The following STAU2 variants were observed in gnomAD, a reference collection of about 807,000 sequenced individuals.
The protein encoded by STAU2 is double-stranded RNA-binding protein Staufen homolog 2.
A neutral mutation model predicts 65.9 loss-of-function variants in STAU2; 20 were observed. The ratio of observed to expected loss-of-function variants is 0.30; its 90% CI spans 0.21 to 0.44. The LOEUF is 0.44. Among genes scored for constraint, STAU2 ranks in the 20% least tolerant of loss-of-function variants. STAU2 has a pLI of 1.00. For synonymous variants in STAU2, 232 were observed against 233.9 expected, an observed-to-expected ratio of 0.99 and a Z score of 0.07; for missense variants, 558 against 683.9, an observed-to-expected ratio of 0.82 and a Z score of 2.05.
At chr8:73,564,619 C>G (rs1382907567) in intron 12 of STAU2, among the ~76,000 whole-genome samples, 1 of 152,010 alleles carries the variant, frequency 6.6e-6, no homozygotes, top group Non-Finnish European at 1.5e-5. Flanking sequence ...ACACAGTTTA[C>G]CTACATAACA....
At chr8:73,578,911 A>G (rs2128960716) in intron 12 of STAU2, among the ~76,000 whole-genome samples, 1 of 152,288 alleles carries the variant, frequency 6.6e-6, no homozygotes, top group East Asian at 1.9e-4. Flanking sequence ...AAACACTATT[A>G]AAGAAAGTAT....
intron 13 of STAU2, chr8:73,549,693 G>A (rs528188197): frequency 1.9e-5 from 19 of 985,370 alleles, no homozygotes; most frequent in Middle Eastern, 1.0e-3. Flanking sequence ...AATTGCAATG[G>A]GCAAGGAAAG....
At chr8:73,683,530 T>C (rs1818578384) in intron 5 of STAU2, among the ~76,000 whole-genome samples, 1 of 152,112 alleles carries the variant, frequency 6.6e-6, no homozygotes. Flanking sequence ...GTTGAAAGCA[T>C]TCCCCCTGAG....
At chr8:73,468,258 G>C (rs1382110355) in intron 13 of STAU2, among the ~76,000 whole-genome samples, 1 of 152,162 alleles carries the variant, frequency 6.6e-6, no homozygotes, top group African/African-American at 2.4e-5. Context: ...GCCTTATGTA[G>C]AAAGCTGAAA....
chr8:73,603,975 G>GA lies in STAU2; in HGVS notation c.892-113dup, dbSNP rs528148131. 14 of 1,162,218 alleles carry GA rather than the reference G, an allele frequency of 1.2e-5. No individual in the cohort carries two copies. The South Asian group carries it at 2.5e-4, about 21-fold the overall frequency. The allele number at this position is 1,162,218 out of a possible 1,614,324, so 72.0% of individuals were successfully genotyped here. A position where few individuals can be genotyped will look rare whatever the true frequency, so the allele number is the denominator to read the frequency against. ...CCCCCACACCCCAAAACTGTGACTAGAAAAGATAAATGAGTCATTTATGAA... is the reference window on the plus strand; with the variant it reads ...CCCCCACACCCCAAAACTGTGACTAGAAAAAGATAAATGAGTCATTTATGAA... On this transcript the variant is annotated intron_variant, in intron 9 of 14. Transcript: ENST00000524300.
intron 13 of STAU2, among the ~76,000 whole-genome samples, chr8:73,476,194 G>A (rs1016803744): frequency 2.0e-5 from 3 of 152,134 alleles, no homozygotes; most frequent in Non-Finnish European, 2.9e-5. Flanking sequence ...TGACCTCAGA[G>A]CACCCAGAAC....
At chr8:73,584,630 T>C (rs893330313) in intron 11 of STAU2, among the ~76,000 whole-genome samples, 1 of 152,034 alleles carries the variant, frequency 6.6e-6, no homozygotes, top group South Asian at 2.1e-4. Flanking sequence ...TGTACTGCCA[T>C]TATCAGGAGA....
At chr8:73,645,737 C>G (rs1815321865) in intron 6 of STAU2, among the ~76,000 whole-genome samples, 1 of 152,114 alleles carries the variant, frequency 6.6e-6, no homozygotes, top group African/African-American at 2.4e-5. Flanking sequence ...TCTGGGAGGC[C>G]TCAGGAAATG....
At chr8:73,561,926 T>C (rs567673384) in intron 12 of STAU2, among the ~76,000 whole-genome samples, 1 of 152,308 alleles carries the variant, frequency 6.6e-6, no homozygotes, top group South Asian at 2.1e-4. Context: ...TGGCTTAAAG[T>C]CACAGCCAGT....
At chr8:73,653,814 C>A in intron 6 of STAU2, 1 of 397,782 alleles carries the variant, frequency 2.5e-6, no homozygotes, top group South Asian at 1.9e-5. Context: ...AAGAGAGATA[C>A]AGTATGCAGC....
intron 12 of STAU2, among the ~76,000 whole-genome samples, chr8:73,555,099 T>G (rs917355635): frequency 6.6e-6 from 1 of 152,130 alleles, no homozygotes; most frequent in African/African-American, 2.4e-5. Context: ...GATAATACAA[T>G]GTGATAGGGG....
At chr8:73,701,852 G>A (rs1211311116) in intron 4 of STAU2, among the ~76,000 whole-genome samples, 1 of 152,116 alleles carries the variant, frequency 6.6e-6, no homozygotes, top group African/African-American at 2.4e-5. Flanking sequence ...TAGATGAATG[G>A]ATAAAGAGTG....
chr8:73,538,536 C>T (rs1806326363), intron 13 of STAU2, among the ~76,000 whole-genome samples: 1 of 151,706 alleles, frequency 6.6e-6, no homozygotes, highest in Non-Finnish European at 1.5e-5. Context: ...GTCAGTGGGG[C>T]AATGTGGTAC....
At chr8:73,691,136 T>A (rs935216398) in intron 4 of STAU2, among the ~76,000 whole-genome samples, 1 of 152,180 alleles carries the variant, frequency 6.6e-6, no homozygotes, top group Non-Finnish European at 1.5e-5. Flanking sequence ...TGACCTCTCC[T>A]AAACAACAAT....
intron 13 of STAU2, among the ~76,000 whole-genome samples, chr8:73,474,908 C>T (rs1344436708): frequency 6.6e-6 from 1 of 152,146 alleles, no homozygotes; most frequent in Non-Finnish European, 1.5e-5. Flanking sequence ...AATTATGAGA[C>T]AGCCACATAA....
At chr8:73,560,237 T>C (rs1039781547) in intron 12 of STAU2, among the ~76,000 whole-genome samples, 3 of 152,098 alleles carry the variant, frequency 2.0e-5, no homozygotes, top group East Asian at 1.9e-4. Flanking sequence ...CCCACCACCA[T>C]GCCTGGCTAA....
intron 5 of STAU2, 120 bp from the exon 6 acceptor site, chr8:73,673,362 G>T: frequency 9.8e-7 from 1 of 1,021,038 alleles, no homozygotes; most frequent in Non-Finnish European, 1.3e-6. Flanking sequence ...TGGACCACCT[G>T]TATGATTTTC....
intron 12 of STAU2, among the ~76,000 whole-genome samples, chr8:73,577,441 T>TTATA (rs369079649): frequency 0.15 from 21,777 of 144,778 alleles, 1,703 homozygotes; most frequent in African/African-American, 0.18. Flanking sequence ...AAAAAAAAAA[T>TTATA]TATATATATA....
chr8:73,637,774 C>A (rs1430578828), intron 6 of STAU2, among the ~76,000 whole-genome samples: 1 of 151,782 alleles, frequency 6.6e-6, no homozygotes, highest in Non-Finnish European at 1.5e-5. Flanking sequence ...GATATGTGGG[C>A]AAATAAATTC....
Sources: allele counts gnomAD v4.1 joint callset (sites outside exome capture counted in the v4.1 genomes callset), GRCh38; gene constraint gnomAD v4.1.1; transcripts MANE v1.5; gene names NCBI Gene and HGNC (gene_info 2026-07-23, HGNC 2026-07-21).